The following TATDN1 variants were observed in gnomAD, a reference collection of about 807,000 sequenced individuals.
The protein encoded by TATDN1 is TatD DNase domain containing 1.
A neutral mutation model predicts 46.4 loss-of-function variants in TATDN1; 40 were observed. The observed-to-expected ratio is 0.86, with a 90% CI of 0.67 to 1.12. The LOEUF (loss-of-function observed/expected upper bound fraction) is 1.12. TATDN1 is among the 50% of genes most tolerant of loss of function. The probability of loss-of-function intolerance (pLI) is 0.00; values close to 1 mark genes in which losing one functional copy is unlikely to be tolerated. For synonymous variants in TATDN1, 95 were observed against 105.6 expected (o/e 0.90, Z 0.62); for missense variants, 326 against 348.4 (o/e 0.94, Z 0.51).
intron 11 of TATDN1, among the ~76,000 whole-genome samples, chr8:124,493,338 G>GT (rs1245998751): frequency 6.6e-6 from 1 of 152,122 alleles, no homozygotes; most frequent in Non-Finnish European, 1.5e-5. Context: ...ACCTTCTCCT[G>GT]TTTGTTACCT....
At chr8:124,526,016 T>C (rs185951073) in intron 1 of TATDN1, among the ~76,000 whole-genome samples, 1 of 152,320 alleles carries the variant, frequency 6.6e-6, no homozygotes, top group East Asian at 1.9e-4. Flanking sequence ...GCTACATAAT[T>C]ACTTCTTGAA....
chr8:124,525,362 G>C (rs1413605591), intron 1 of TATDN1, among the ~76,000 whole-genome samples: 1 of 151,968 alleles, frequency 6.6e-6, no homozygotes, highest in African/African-American at 2.4e-5. Flanking sequence ...GGACAGGCTG[G>C]TCTCGAACTC....
At chr8:124,495,668 T>C in intron 9 of TATDN1, 126 bp from the exon 10 acceptor site, 1 of 685,284 alleles carries the variant, frequency 1.5e-6, no homozygotes, top group Non-Finnish European at 2.4e-6. Context: ...TTCAGTATAC[T>C]TTGGAAAGTA....
At chr8:124,535,969 A>G (rs2131583306) in intron 1 of TATDN1, among the ~76,000 whole-genome samples, 2 of 152,344 alleles carry the variant, frequency 1.3e-5, no homozygotes, top group Middle Eastern at 6.8e-3. Flanking sequence ...GACCACCTCA[A>G]CATTGGAGAG....
Position 124,537,046 on chromosome 8 carries a change from T to C in TATDN1, c.22+1979A>G, listed in dbSNP as rs577457475. 1.2e-4 allele frequency among the ~76,000 whole-genome samples: 19 copies of C among 152,302 alleles called. No homozygotes were observed. The South Asian group carries it at 3.9e-3, about 32-fold the overall frequency. On this transcript the variant is annotated intron_variant, in intron 1 of 11. Coordinates refer to ENST00000276692, the MANE Select transcript of TATDN1 (RefSeq NM_032026.4). ...AAAGGAAACCATACAGAAAAAAATT[T>C]ATTTCAATTATTTATTCCAATAAAG...
intron 10 of TATDN1, chr8:124,494,234 G>A (rs138913981): frequency 7.7e-5 from 17 of 219,418 alleles, no homozygotes; most frequent in Middle Eastern, 1.5e-3. Flanking sequence ...AAATACAATT[G>A]TATAACAACA....
chr8:124,489,384 CTTTCT>C (rs1409305408), intron 11 of TATDN1: 1 of 149,738 alleles, frequency 6.7e-6, no homozygotes. Context: ...CCTTCCTTTC[CTTTCT>C]TTTTCTTTCC....
intron 6 of TATDN1, among the ~76,000 whole-genome samples, chr8:124,511,509 C>T (rs934997540): frequency 6.6e-6 from 1 of 152,104 alleles, no homozygotes; most frequent in Non-Finnish European, 1.5e-5. Context: ...ATTCCTCCTA[C>T]CCAAGAGAAC....
At chr8:124,537,193 C>CG (rs1563698647) in intron 1 of TATDN1, among the ~76,000 whole-genome samples, 1 of 152,096 alleles carries the variant, frequency 6.6e-6, no homozygotes, top group African/African-American at 2.4e-5. Context: ...CATTGTACTA[C>CG]GCCCCTAGGA....
intron 1 of TATDN1, 68 bp from the exon 2 acceptor site, chr8:124,523,070 C>T (rs1820191805): frequency 2.8e-6 from 4 of 1,405,858 alleles, no homozygotes; most frequent in Non-Finnish European, 4.0e-6. Flanking sequence ...AAATAAAAAG[C>T]TTCTGTTACT....
intron 9 of TATDN1, among the ~76,000 whole-genome samples, chr8:124,503,201 AT>A (rs1331777968): frequency 6.6e-6 from 1 of 152,196 alleles, no homozygotes; most frequent in East Asian, 1.9e-4. Context: ...GAGGTAGGGG[AT>A]TAGTACGGGA....
At position 124,493,913 on chromosome 8, in the gene TATDN1, A is replaced by G. The variant is rs779408756; in HGVS notation, c.711T>C (p.Tyr237=). 1.9e-5 allele frequency: 30 copies of G among 1,612,662 alleles called. No homozygotes were observed. The South Asian group carries it at 2.1e-4, about 11-fold the overall frequency. Residue 237 remains tyrosine (Y), a synonymous_variant, in exon 11 of 12, where the codon TAT becomes TAC. Transcript: ENST00000276692. ...TTTTGGTAGGAAATGCAGTTCTTAT[A>G]TATTTTGATCCAGCATGTGTACTTT... ...GVKSTHAGSK[Y]IRTAFPTKKK...
At chr8:124,493,754 C>A (rs1271742290) in intron 11 of TATDN1, 79 bp downstream of exon 11, 1 of 1,495,506 alleles carries the variant, frequency 6.7e-7, no homozygotes, top group Non-Finnish European at 8.9e-7. Flanking sequence ...AATTTTAATT[C>A]TGTCCCTTGC....
chr8:124,526,818 C>T (rs976823799), intron 1 of TATDN1: 4 of 152,210 alleles, frequency 2.6e-5, no homozygotes, highest in African/African-American at 9.7e-5. Context: ...TCACTGTCAC[C>T]TATGATCTAG....
chr8:124,521,379 T>C (rs1462463677), intron 3 of TATDN1, among the ~76,000 whole-genome samples: 1 of 152,188 alleles, frequency 6.6e-6, no homozygotes, highest in Non-Finnish European at 1.5e-5. Flanking sequence ...TTTAGGAGCC[T>C]AGTATTTCAG....
intron 4 of TATDN1, among the ~76,000 whole-genome samples, chr8:124,517,168 G>A (rs550613884): frequency 9.8e-4 from 150 of 152,320 alleles, no homozygotes; most frequent in Middle Eastern, 3.4e-3. Context: ...GGTGGCTTAC[G>A]CCTGTAATCC....
intron 6 of TATDN1, among the ~76,000 whole-genome samples, chr8:124,512,912 GTGTGTC>G (rs1819151275): frequency 1.3e-5 from 2 of 152,078 alleles, no homozygotes; most frequent in African/African-American, 4.8e-5. Context: ...ATTGTTACTA[GTGTGTC>G]TTTTTTTTTT....
intron 1 of TATDN1, among the ~76,000 whole-genome samples, chr8:124,534,053 GGAGAATGGCGTGAACCT>G (rs1323719402): frequency 6.8e-6 from 1 of 146,898 alleles, no homozygotes; most frequent in Non-Finnish European, 1.5e-5. Flanking sequence ...GGCTGAGGCA[GGAGAATGGCGTGAACCT>G]GGGAGGCGGA....
intron 10 of TATDN1, chr8:124,495,086 C>A (rs1444452759): frequency 5.2e-6 from 1 of 192,300 alleles, no homozygotes; most frequent in African/African-American, 2.4e-5. Context: ...AATTGTTGCA[C>A]TGTACAAAGT....
Sources: allele counts gnomAD v4.1 joint callset (sites outside exome capture counted in the v4.1 genomes callset), GRCh38; gene constraint gnomAD v4.1.1; transcripts MANE v1.5; gene names NCBI Gene and HGNC (gene_info 2026-07-23, HGNC 2026-07-21).